The following PACRG variants were observed in gnomAD, a reference collection of about 807,000 sequenced individuals.
PACRG encodes the protein parkin coregulated gene protein.
In PACRG, 29 loss-of-function variants were observed where a neutral mutation model predicts 29.7. The observed-to-expected ratio is 0.98, with a 90% CI of 0.73 to 1.33. The LOEUF (loss-of-function observed/expected upper bound fraction) is 1.33. Among genes scored for constraint, PACRG ranks in the 40% most tolerant of loss-of-function variants. The pLI, the probability that PACRG is intolerant of heterozygous loss-of-function variation, is 0.00. For synonymous variants in PACRG, 116 were observed against 118.7 expected (o/e 0.98, Z 0.15); for missense variants, 279 against 316.2 (o/e 0.88, Z 0.89).
chr6:162,894,417 A>T (rs1795012261), intron 2 of PACRG, among the ~76,000 whole-genome samples: 1 of 152,214 alleles, frequency 6.6e-6, no homozygotes, highest in Non-Finnish European at 1.5e-5. Flanking sequence ...TTATGTGATC[A>T]TTTGATCATT....
chr6:162,760,378 G>A (rs1453706913), intron 1 of PACRG, among the ~76,000 whole-genome samples: 1 of 152,176 alleles, frequency 6.6e-6, no homozygotes, highest in Non-Finnish European at 1.5e-5. Context: ...GGGATTTCAG[G>A]CTGACTGAAG....
intron 2 of PACRG, among the ~76,000 whole-genome samples, chr6:162,854,032 A>G (rs1791150748): frequency 6.6e-6 from 1 of 152,072 alleles, no homozygotes; most frequent in Non-Finnish European, 1.5e-5. Context: ...AAGGAAATAT[A>G]TTACTAATCT....
chr6:163,149,855 C>T (rs116881103), intron 4 of PACRG, among the ~76,000 whole-genome samples: 3 of 152,206 alleles, frequency 2.0e-5, no homozygotes, highest in East Asian at 3.9e-4. Flanking sequence ...CTGTTGCTCC[C>T]GTTGGCTTAC....
At chr6:162,909,651 T>C (rs957481288) in intron 2 of PACRG, among the ~76,000 whole-genome samples, 1 of 146,882 alleles carries the variant, frequency 6.8e-6, no homozygotes, top group African/African-American at 2.5e-5. Flanking sequence ...TTTAGATATG[T>C]ATTTTCTACA....
At chr6:162,971,469 A>G (rs1400630463) in intron 2 of PACRG, among the ~76,000 whole-genome samples, 6 of 152,198 alleles carry the variant, frequency 3.9e-5, no homozygotes, top group African/African-American at 1.4e-4. Flanking sequence ...TTGGGAGGAA[A>G]CCAGTCAGTG....
chr6:163,066,012 T>C (rs1811513031), intron 3 of PACRG, among the ~76,000 whole-genome samples: 1 of 152,184 alleles, frequency 6.6e-6, no homozygotes, highest in South Asian at 2.1e-4. Context: ...ATAGCAATCA[T>C]AATGGCAGAG....
At chr6:162,811,708 C>T (rs1786885185) in intron 1 of PACRG, among the ~76,000 whole-genome samples, 1 of 152,080 alleles carries the variant, frequency 6.6e-6, no homozygotes, top group Non-Finnish European at 1.5e-5. Context: ...ATCCATATGA[C>T]CTTTAAAGGT....
At position 163,008,663 on chromosome 6, in the gene PACRG, G is replaced by A. The variant is rs1805346996; in HGVS notation, c.292-53487G>A. Among the ~76,000 whole-genome samples, 3 of 147,938 alleles carry A rather than the reference G, an allele frequency of 2.0e-5. No individual in the cohort carries two copies. In the Admixed American group the frequency reaches 2.0e-4, roughly 10 times the overall value. Reference sequence around the variant, plus strand: ...ACCAGGAACTTTATTCTCGCCATCCGAGATAGCGGCTCAGCACCTCACATG... The same window carrying A: ...ACCAGGAACTTTATTCTCGCCATCCAAGATAGCGGCTCAGCACCTCACATG... On this transcript the variant is annotated intron_variant, in intron 2 of 4. Coordinates refer to ENST00000366888, the MANE Select transcript of PACRG (RefSeq NM_001080379.2).
intron 4 of PACRG, among the ~76,000 whole-genome samples, chr6:163,237,588 A>G (rs542943945): frequency 1.3e-5 from 2 of 152,196 alleles, no homozygotes; most frequent in Admixed American, 6.5e-5. Context: ...CCTTTTTAAG[A>G]TAAAGTAAAT....
At chr6:162,795,735 T>G (rs1584383682) in intron 1 of PACRG, among the ~76,000 whole-genome samples, 2 of 152,224 alleles carry the variant, frequency 1.3e-5, no homozygotes, top group South Asian at 4.1e-4. Context: ...CACAAAATAG[T>G]GTGTTTTCTA....
intron 4 of PACRG, chr6:163,244,895 C>T (rs952246478): frequency 3.3e-6 from 1 of 304,324 alleles, no homozygotes; most frequent in Admixed American, 4.3e-5. Context: ...TTGCTGAAAA[C>T]TTCAATAGAG....
chr6:163,087,493 AGAG>A (rs1813680242), intron 3 of PACRG, among the ~76,000 whole-genome samples: 1 of 151,470 alleles, frequency 6.6e-6, no homozygotes, highest in South Asian at 2.1e-4. Context: ...GGACCAGAGG[AGAG>A]GAGGTGAGGA....
intron 2 of PACRG, among the ~76,000 whole-genome samples, chr6:162,907,595 A>G (rs1006650425): frequency 3.9e-5 from 6 of 152,142 alleles, no homozygotes; most frequent in South Asian, 2.1e-4. Flanking sequence ...GATTTCATTT[A>G]TTTTAATCTA....
At chr6:163,251,138 G>A (rs373818619) in intron 4 of PACRG, among the ~76,000 whole-genome samples, 1 of 151,916 alleles carries the variant, frequency 6.6e-6, no homozygotes, top group Admixed American at 6.6e-5. Flanking sequence ...AGGGATAAGA[G>A]AATACATGTT....
rs143755888 is a variant in PACRG at position 163,295,544 on chromosome 6, T to C, written c.614-19283T>C. On this transcript the variant is annotated intron_variant, in intron 4 of 4. Coordinates refer to ENST00000366888, the MANE Select transcript of PACRG (RefSeq NM_001080379.2). ...GCACCATGAACTCCTTGAATTGATCTTATTACGGAAGTGAAAGAAAGTAAC... is the reference window on the plus strand; with the variant it reads ...GCACCATGAACTCCTTGAATTGATCCTATTACGGAAGTGAAAGAAAGTAAC... Among the ~76,000 whole-genome samples, 323 of 152,372 alleles carry C rather than the reference T, an allele frequency of 2.1e-3. 1 individual carries two copies. The highest frequency in any genetic ancestry group is 3.4e-3 in the Non-Finnish European group (230 of 68,038).
At chr6:162,827,970 A>G (rs926076715) in intron 2 of PACRG, among the ~76,000 whole-genome samples, 3 of 152,172 alleles carry the variant, frequency 2.0e-5, no homozygotes, top group Non-Finnish European at 4.4e-5. Context: ...TCTCCCCTCA[A>G]GATGGGGGAC....
At chr6:163,108,690 A>G (rs367597546) in intron 4 of PACRG, among the ~76,000 whole-genome samples, 7 of 152,214 alleles carry the variant, frequency 4.6e-5, no homozygotes, top group African/African-American at 1.4e-4. Flanking sequence ...TGCCTGGCTG[A>G]ACCTCTTTTC....
At chr6:162,742,241 G>A (rs1780656006) in intron 1 of PACRG, among the ~76,000 whole-genome samples, 1 of 152,134 alleles carries the variant, frequency 6.6e-6, no homozygotes, top group African/African-American at 2.4e-5. Context: ...GAATCATGGG[G>A]AGTGGTTTCC....
chr6:163,258,201 T>C (rs1037489861), intron 4 of PACRG, among the ~76,000 whole-genome samples: 2 of 152,220 alleles, frequency 1.3e-5, no homozygotes, highest in African/African-American at 4.8e-5. Context: ...GTAGAATCTA[T>C]TCCTAATATT....
Sources: allele counts gnomAD v4.1 joint callset (sites outside exome capture counted in the v4.1 genomes callset), GRCh38; gene constraint gnomAD v4.1.1; transcripts MANE v1.5; gene names NCBI Gene and HGNC (gene_info 2026-07-23, HGNC 2026-07-21).